The following UQCRB variants were observed in gnomAD, a reference collection of about 807,000 sequenced individuals.
The protein encoded by UQCRB is ubiquinol-cytochrome c reductase binding protein, also known as cytochrome b-c1 complex subunit 7.
Under a neutral mutation model 19.8 loss-of-function variants are expected in UQCRB, and 12 were observed. The ratio of observed to expected loss-of-function variants is 0.61; its 90% confidence interval spans 0.39 to 0.98. The LOEUF is 0.98. Among genes scored for constraint, UQCRB ranks in the 50% least tolerant of loss-of-function variants. UQCRB has a pLI of 0.00. For missense variants in UQCRB, 142 were observed against 131.8 expected, an observed-to-expected ratio of 1.08 and a Z score of -0.38; for synonymous variants, 39 against 42.9, an observed-to-expected ratio of 0.91 and a Z score of 0.35.
At position 96,228,279 on chromosome 8, in the gene UQCRB, T is replaced by G. The variant is rs1461728125; in HGVS notation, c.*2776A>C. ...AAACAACAAAAGATATCAAACATTT[T>G]AAACTGTACAAAGCAAATTAGCAGG... On this transcript the variant is annotated 3_prime_UTR_variant, in exon 4 of 4. Transcript: ENST00000287022. The G allele has an allele frequency of 4.4e-6, 2 of 454,164 alleles. No individual in the cohort carries two copies. Among genetic ancestry groups the G allele is most frequent in the Non-Finnish European group, 8.8e-6 (2 of 226,788 alleles). 28.1% of individuals were successfully genotyped at this position (454,164 alleles called of 1,614,324 possible).
intron 1 of UQCRB, 132 bp from the exon 2 acceptor site, chr8:96,233,359 A>G (rs1336021056): frequency 5.0e-6 from 4 of 800,846 alleles, no homozygotes; most frequent in Non-Finnish European, 6.3e-6. Flanking sequence ...TTAAAAGTAT[A>G]TAGTATATAC....
intron 3 of UQCRB, chr8:96,231,535 G>A: frequency 6.7e-7 from 1 of 1,491,574 alleles, no homozygotes; most frequent in Non-Finnish European, 9.0e-7. Flanking sequence ...AACAGACCTG[G>A]ATTTTAGTCC....
rs1366681385 is a variant in UQCRB at position 96,229,415 on chromosome 8, C to T, written c.*1640G>A. ...CCCTCCACCCACCCGGCTCCCTACA[C>T]ACCTTGACAGTGCTCTTTGAGATGC... On this transcript the variant is annotated 3_prime_UTR_variant, in exon 4 of 4. Coordinates refer to ENST00000287022, the MANE Select transcript of UQCRB (RefSeq NM_006294.5). The T allele has an allele frequency of 2.2e-6, 1 of 454,018 alleles. No individual in the cohort carries two copies. 28.1% of individuals were successfully genotyped at this position (454,018 alleles called of 1,614,324 possible).
rs980759270 is a variant in UQCRB at position 96,229,903 on chromosome 8, ACACT to A, written c.*1148_*1151del. ...TAAATGTAACACAAATTCGTTTTTC[ACACT>A]GTTTTGTTATTTGAGGTAAGGCATT... On this transcript the variant is annotated 3_prime_UTR_variant, in exon 4 of 4. Coordinates refer to ENST00000287022, the MANE Select transcript of UQCRB (RefSeq NM_006294.5). 2.8e-5 allele frequency: 12 copies of A among 435,970 alleles called. No homozygotes were observed. Among genetic ancestry groups the A allele is most frequent in the African/African-American group, 8.3e-5 (4 of 48,474 alleles). 27.0% of individuals were successfully genotyped at this position (435,970 alleles called of 1,614,324 possible). A position where few individuals can be genotyped will look rare whatever the true frequency, so the allele number is the denominator to read the frequency against.
rs1480462617 is a variant in UQCRB, at chr8:96,227,660, C to T, written c.*3395G>A. 1 of 453,990 alleles carries T rather than the reference C, an allele frequency of 2.2e-6. No homozygotes were observed. Among genetic ancestry groups the T allele is most frequent in the African/African-American group, 2.0e-5 (1 of 50,012 alleles). 28.1% of individuals were successfully genotyped at this position (453,990 alleles called of 1,614,324 possible). A position where few individuals can be genotyped will look rare whatever the true frequency, so the allele number is the denominator to read the frequency against. Reference sequence around the variant, plus strand: ...AGTAGTTTGGTTATTTTCAAAGCTACACACAGGATGCCCATATTTTTAAAA... The same window carrying T: ...AGTAGTTTGGTTATTTTCAAAGCTATACACAGGATGCCCATATTTTTAAAA... On this transcript the variant is annotated 3_prime_UTR_variant, in exon 4 of 4. Coordinates refer to ENST00000287022, the MANE Select transcript of UQCRB (RefSeq NM_006294.5).
At chr8:96,231,610 T>A in intron 3 of UQCRB, 164 bp downstream of exon 3, 1 of 1,325,252 alleles carries the variant, frequency 7.5e-7, no homozygotes, top group South Asian at 1.2e-5. Context: ...TAAGACTCAA[T>A]GTGGTTTTCT....
At position 96,229,336 on chromosome 8, in the gene UQCRB, C is replaced by T; in HGVS notation, c.*1719G>A. The stretch of plus-strand genomic sequence containing the variant: ...TCCTTCAGCAGTGCCCTTAGGCTTG[C>T]TTTAAACATTAACAGCATTCATAAG... On this transcript the variant is annotated 3_prime_UTR_variant, in exon 4 of 4. Coordinates refer to ENST00000287022, the MANE Select transcript of UQCRB (RefSeq NM_006294.5). 1 of 454,088 alleles carries T rather than the reference C, an allele frequency of 2.2e-6. No individual in the cohort carries two copies. Among genetic ancestry groups the T allele is most frequent in the Non-Finnish European group, 4.4e-6 (1 of 226,778 alleles). 28.1% of individuals were successfully genotyped at this position (454,088 alleles called of 1,614,324 possible).
chr8:96,228,202 A>T lies in UQCRB; in HGVS notation c.*2853T>A, dbSNP rs1398437685. On this transcript the variant is annotated 3_prime_UTR_variant, in exon 4 of 4. Transcript: ENST00000287022. ...GACCACTTCAGAGTAAACAAACATA[A>T]CTTTCTTCAAGATGTAGGAAAACTG... is the stretch of plus-strand genomic sequence containing the variant. 2.2e-6 allele frequency: 1 copy of T among 454,136 alleles called. No homozygotes were observed. The highest frequency in any genetic ancestry group is 2.3e-5 in the Admixed American group (1 of 42,582). 28.1% of individuals were successfully genotyped at this position (454,136 alleles called of 1,614,324 possible). A position where few individuals can be genotyped will look rare whatever the true frequency, so the allele number is the denominator to read the frequency against.
chr8:96,227,666 G>A lies in UQCRB; in HGVS notation c.*3389C>T, dbSNP rs1462821897. ...TTGGTTATTTTCAAAGCTACACACAGGATGCCCATATTTTTAAAACTCCAT... is the reference window on the plus strand; with the variant it reads ...TTGGTTATTTTCAAAGCTACACACAAGATGCCCATATTTTTAAAACTCCAT... On this transcript the variant is annotated 3_prime_UTR_variant, in exon 4 of 4. Coordinates refer to ENST00000287022, the MANE Select transcript of UQCRB (RefSeq NM_006294.5). The A allele has an allele frequency of 2.2e-6, 1 of 453,972 alleles. No individual in the cohort carries two copies. The highest frequency in any genetic ancestry group is 1.6e-5 in the South Asian group (1 of 64,470). The allele number at this position is 453,972 out of a possible 1,614,324, so 28.1% of individuals were successfully genotyped here. A position where few individuals can be genotyped will look rare whatever the true frequency, so the allele number is the denominator to read the frequency against.
rs1185846056 is a variant in UQCRB at position 96,226,975 on chromosome 8, G to A, written c.*4080C>T. The A allele has an allele frequency of 1.3e-5, 6 of 453,846 alleles. No individual in the cohort carries two copies. The highest frequency in any genetic ancestry group is 2.6e-5 in the Non-Finnish European group (6 of 226,758). The allele number at this position is 453,846 out of a possible 1,614,324, so 28.1% of individuals were successfully genotyped here. On this transcript the variant is annotated 3_prime_UTR_variant, in exon 4 of 4. Transcript: ENST00000287022. ...AAAATATAACTTAGAGGCACTATCC[G>A]ACCTGAGATCTCAGATTCTAACATG... is the stretch of plus-strand genomic sequence containing the variant.
At position 96,227,742 on chromosome 8, in the gene UQCRB, A is replaced by G. The variant is rs1257638379; in HGVS notation, c.*3313T>C. ...GGGCTTTGGCCCAGTTTTTATTCTT[A>G]CTGCTGAATCTTTTCATAAGTCAAA... is the stretch of plus-strand genomic sequence containing the variant. On this transcript the variant is annotated 3_prime_UTR_variant, in exon 4 of 4. Coordinates refer to ENST00000287022, the MANE Select transcript of UQCRB (RefSeq NM_006294.5). 6.6e-6 allele frequency: 3 copies of G among 453,752 alleles called. No individual in the cohort carries two copies. The highest frequency in any genetic ancestry group is 1.3e-5 in the Non-Finnish European group (3 of 226,636). 28.1% of individuals were successfully genotyped at this position (453,752 alleles called of 1,614,324 possible). A position where few individuals can be genotyped will look rare whatever the true frequency, so the allele number is the denominator to read the frequency against.
At chr8:96,233,126 C>A (rs773606896) in intron 2 of UQCRB, 30 bp downstream of exon 2, 54 of 1,594,418 alleles carry the variant, frequency 3.4e-5, no homozygotes, top group South Asian at 1.8e-4. Flanking sequence ...ACAACAACAA[C>A]AAAAAACATT....
At chr8:96,235,353 G>T in intron 1 of UQCRB, 159 bp downstream of exon 1, 1 of 1,095,316 alleles carries the variant, frequency 9.1e-7, no homozygotes, top group Non-Finnish European at 1.4e-6. Flanking sequence ...GACAGCAAAC[G>T]AGTGGGGAAG....
chr8:96,233,588 G>A (rs1403628877), intron 1 of UQCRB: 1 of 186,938 alleles, frequency 5.3e-6, no homozygotes, highest in East Asian at 1.5e-4. Flanking sequence ...AGAAATGAAG[G>A]GGTGGGAGAT....
chr8:96,233,035 G>T, intron 2 of UQCRB, 121 bp downstream of exon 2: 1 of 847,410 alleles, frequency 1.2e-6, no homozygotes, highest in Non-Finnish European at 1.9e-6. Context: ...ATGTATACAA[G>T]AACTGAAATG....
rs915901035 is a variant in UQCRB, at chr8:96,226,700, GTTTAT to G, written c.*4350_*4354del. 2 of 348,680 alleles carry G rather than the reference GTTTAT, an allele frequency of 5.7e-6. No homozygotes were observed. The highest frequency in any genetic ancestry group is 5.5e-6 in the Non-Finnish European group (1 of 181,656). 21.6% of individuals were successfully genotyped at this position (348,680 alleles called of 1,614,324 possible). On this transcript the variant is annotated 3_prime_UTR_variant, in exon 4 of 4. Transcript: ENST00000287022. ...ATAATGTTACCAGAAGTTTTCAGGGGTTTATTTTAAAATTACATTTTTACATTTAT... is the reference window on the plus strand; with the variant it reads ...ATAATGTTACCAGAAGTTTTCAGGGGTTTAAAATTACATTTTTACATTTAT...
At chr8:96,234,856 A>G (rs1809768252) in intron 1 of UQCRB, 1 of 193,276 alleles carries the variant, frequency 5.2e-6, no homozygotes, top group African/African-American at 2.4e-5. Flanking sequence ...AAAAAAAAGA[A>G]AGAAAAAAGA....
chr8:96,228,746 T>C lies in UQCRB; in HGVS notation c.*2309A>G. 2.2e-6 allele frequency: 1 copy of C among 454,124 alleles called. No individual in the cohort carries two copies. The highest frequency in any genetic ancestry group is 4.4e-6 in the Non-Finnish European group (1 of 226,802). 28.1% of individuals were successfully genotyped at this position (454,124 alleles called of 1,614,324 possible). A position where few individuals can be genotyped will look rare whatever the true frequency, so the allele number is the denominator to read the frequency against. ...GCACGGAGAGGTTAAATTGTATTCC[T>C]AAAGCACTACACAGTGAGCAAATAG... On this transcript the variant is annotated 3_prime_UTR_variant, in exon 4 of 4. Transcript: ENST00000287022.
intron 1 of UQCRB, chr8:96,235,177 A>C: frequency 2.0e-6 from 1 of 490,720 alleles, no homozygotes; most frequent in Non-Finnish European, 3.7e-6. Flanking sequence ...TTCGGGTTGA[A>C]AGTCATCCAC....
Sources: gnomAD v4.1 joint callset for allele counts on GRCh38, gnomAD v4.1.1 for gene constraint, MANE v1.5 for transcripts, NCBI Gene and HGNC (gene_info 2026-07-23, HGNC 2026-07-21) for gene names.